Variants in COMMD1 observed in about 807,000 individuals in gnomAD.
COMMD1 encodes the protein COMM domain-containing protein 1.
In COMMD1, 10 loss-of-function variants were observed where a neutral mutation model predicts 17.2. The ratio of observed to expected loss-of-function variants is 0.58; its 90% CI spans 0.36 to 0.99. COMMD1 has a LOEUF of 0.99. Ranked by LOEUF, COMMD1 falls within the 50% of genes least tolerant of loss-of-function variation. The pLI, the probability that COMMD1 is intolerant of heterozygous loss-of-function variation, is 0.01. For missense variants in COMMD1, 270 were observed against 231.8 expected (o/e 1.17, Z -1.07); for synonymous variants, 97 against 91.6 (o/e 1.06, Z -0.34).
intron 2 of COMMD1, among the ~76,000 whole-genome samples, chr2:62,094,191 G>A (rs536164588): frequency 2.0e-5 from 3 of 152,290 alleles, no homozygotes; most frequent in African/African-American, 7.2e-5. Context: ...GGGTAGCAGG[G>A]TCAAGAGTGT....
At chr2:61,963,194 C>T (rs189076448) in intron 1 of COMMD1, among the ~76,000 whole-genome samples, 13,732 of 138,884 alleles carry the variant, frequency 0.099, 1,582 homozygotes, top group African/African-American at 0.3. Context: ...ATTATATACA[C>T]ACACACACAC....
At chr2:61,972,991 T>C (rs901258336) in intron 1 of COMMD1, among the ~76,000 whole-genome samples, 4 of 152,118 alleles carry the variant, frequency 2.6e-5, no homozygotes, top group Admixed American at 2.6e-4. Flanking sequence ...TTCATATAAG[T>C]AGTATACTTA....
chr2:62,123,646 G>A lies in COMMD1; in HGVS notation c.463-12185G>A, dbSNP rs758486787. ...AAATATTTTACCTATGGATCTGTGT[G>A]TGTATCTTATAGGAATTATAGAGTA... On this transcript the variant is annotated intron_variant, in intron 2 of 2. Coordinates refer to ENST00000311832, the MANE Select transcript of COMMD1 (RefSeq NM_152516.4). Among the ~76,000 whole-genome samples, 3 of 151,900 alleles carry A rather than the reference G, an allele frequency of 2.0e-5. No homozygotes were observed. In the East Asian group the frequency reaches 5.8e-4, roughly 29 times the overall value.
chr2:62,091,076 C>G (rs1329789912), intron 2 of COMMD1, among the ~76,000 whole-genome samples: 4 of 152,166 alleles, frequency 2.6e-5, no homozygotes, highest in Non-Finnish European at 5.9e-5. Context: ...TAGGCCATTG[C>G]TTCATAGCCA....
intron 1 of COMMD1, among the ~76,000 whole-genome samples, chr2:61,925,038 C>G (rs1379631423): frequency 6.6e-6 from 1 of 152,136 alleles, no homozygotes; most frequent in Non-Finnish European, 1.5e-5. Context: ...GGGGGCAAGG[C>G]AACAGTCTCT....
chr2:62,135,354 CT>C (rs375207929), intron 2 of COMMD1, among the ~76,000 whole-genome samples: 7,351 of 144,164 alleles, frequency 0.051, 226 homozygotes, highest in Non-Finnish European at 0.074. Flanking sequence ...CATAAAAGCA[CT>C]TTTTTTTTTT....
At chr2:62,110,171 G>A (rs1001138919) in intron 2 of COMMD1, among the ~76,000 whole-genome samples, 33 of 152,118 alleles carry the variant, frequency 2.2e-4, no homozygotes, top group African/African-American at 7.7e-4. Flanking sequence ...ACCTCCTGGG[G>A]TTAGTCTCCC....
chr2:61,975,299 A>T (rs1245767005), intron 1 of COMMD1, among the ~76,000 whole-genome samples: 1 of 152,070 alleles, frequency 6.6e-6, no homozygotes, highest in African/African-American at 2.4e-5. Flanking sequence ...ACTTTTGGCA[A>T]TTATGAATAA....
At chr2:61,916,371 C>T (rs769233301) in intron 1 of COMMD1, among the ~76,000 whole-genome samples, 1 of 152,146 alleles carries the variant, frequency 6.6e-6, no homozygotes, top group African/African-American at 2.4e-5. Context: ...CCTTTTCTTT[C>T]TTTCAGACAC....
At chr2:62,042,610 A>G (rs1670259133) in intron 2 of COMMD1, among the ~76,000 whole-genome samples, 1 of 151,692 alleles carries the variant, frequency 6.6e-6, no homozygotes, top group African/African-American at 2.4e-5. Flanking sequence ...CTCTCCCTCC[A>G]CACCTCCCCG....
At chr2:61,890,439 G>T (rs1401811858) in intron 1 of COMMD1, among the ~76,000 whole-genome samples, 1 of 152,070 alleles carries the variant, frequency 6.6e-6, no homozygotes, top group Non-Finnish European at 1.5e-5. Flanking sequence ...GGGTGGTTTC[G>T]AACTCCCGAG....
chr2:62,068,939 C>T (rs920404635), intron 2 of COMMD1, among the ~76,000 whole-genome samples: 1 of 151,840 alleles, frequency 6.6e-6, no homozygotes, highest in Non-Finnish European at 1.5e-5. Context: ...CCAGGCCTAG[C>T]AGTGGTATTA....
intron 1 of COMMD1, among the ~76,000 whole-genome samples, chr2:61,981,370 GAT>G (rs894566486): frequency 1.3e-5 from 2 of 152,132 alleles, no homozygotes; most frequent in African/African-American, 4.8e-5. Context: ...TCTGCATGTT[GAT>G]ATCCAGTTTG....
At chr2:62,041,609 TTGAGCTCC>T (rs1386824276) in intron 2 of COMMD1, among the ~76,000 whole-genome samples, 5 of 152,208 alleles carry the variant, frequency 3.3e-5, no homozygotes, top group Non-Finnish European at 5.9e-5. Context: ...CAAGCTGGTC[TTGAGCTCC>T]TGAGCTCAAG....
Position 61,999,122 on chromosome 2 carries a change from C to A in COMMD1, c.181-1579C>A, listed in dbSNP as rs192896436. ...TTGCTTAATATAGGGTTGCCACAGA[C>A]CTTCAATTTGTAAAAAATGCAGTAT... On this transcript the variant is annotated intron_variant, in intron 1 of 2. Transcript: ENST00000311832. Among the ~76,000 whole-genome samples, 117 of 152,206 alleles carry A rather than the reference C, an allele frequency of 7.7e-4. No individual in the cohort carries two copies. The Middle Eastern group carries it at 0.01, about 13-fold the overall frequency.
intron 1 of COMMD1, among the ~76,000 whole-genome samples, chr2:61,938,268 G>A (rs1238356002): frequency 5.5e-5 from 8 of 146,394 alleles, no homozygotes; most frequent in Admixed American, 2.0e-4. Context: ...CTGGGCATGC[G>A]TATTAAGAGA....
chr2:61,960,437 A>G (rs1464410993), intron 1 of COMMD1, among the ~76,000 whole-genome samples: 1 of 152,190 alleles, frequency 6.6e-6, no homozygotes. Context: ...TACTTAATAC[A>G]GTAGCTAAGG....
chr2:62,086,383 C>T (rs1445501768), intron 2 of COMMD1, among the ~76,000 whole-genome samples: 4 of 151,346 alleles, frequency 2.6e-5, no homozygotes, highest in African/African-American at 9.7e-5. Context: ...TGGCGGCGTG[C>T]GCCTGTAGTC....
chr2:62,103,394 A>G (rs999439012), intron 2 of COMMD1, among the ~76,000 whole-genome samples: 3 of 152,150 alleles, frequency 2.0e-5, no homozygotes, highest in African/African-American at 4.8e-5. Context: ...GGTTAAATAG[A>G]TTTGTCTGCC....
Sources: allele counts gnomAD v4.1 joint callset (sites outside exome capture counted in the v4.1 genomes callset), GRCh38; gene constraint gnomAD v4.1.1; transcripts MANE v1.5; gene names NCBI Gene and HGNC (gene_info 2026-07-23, HGNC 2026-07-21).